XKR9: variants seen among roughly 807,000 people sequenced by gnomAD.
XKR9 encodes XK-related protein 9.
Under a neutral mutation model 32.0 loss-of-function variants are expected in XKR9, and 32 were observed. The ratio of observed to expected loss-of-function variants is 1.00; its 90% CI spans 0.76 to 1.34. XKR9 has a LOEUF of 1.34. Ranked by LOEUF, XKR9 falls within the 40% of genes most tolerant of loss-of-function variation. The pLI, the probability that XKR9 is intolerant of heterozygous loss-of-function variation, is 0.00. For missense variants in XKR9, 546 were observed against 429.7 expected (o/e 1.27, Z -2.39); for synonymous variants, 168 against 143.4 (o/e 1.17, Z -1.22).
chr8:70,891,698 G>A, the XKR9 span, among the ~76,000 whole-genome samples: 2 of 152,076 alleles, frequency 1.3e-5, no homozygotes, highest in Non-Finnish European at 2.9e-5. Flanking sequence ...ACTGGAGAAT[G>A]TTCTATGTGC....
the XKR9 span, among the ~76,000 whole-genome samples, chr8:70,884,557 T>C: frequency 2.6e-5 from 4 of 152,196 alleles, no homozygotes; most frequent in Non-Finnish European, 5.9e-5. Flanking sequence ...TTGTGAAATA[T>C]GTAAAGTCTG....
the XKR9 span, among the ~76,000 whole-genome samples, chr8:70,887,693 A>G: frequency 1.3e-5 from 2 of 152,062 alleles, no homozygotes; most frequent in African/African-American, 4.8e-5. Context: ...GCAGTCATGA[A>G]TAGGAGTTCA....
chr8:70,945,941 C>T, the XKR9 span, among the ~76,000 whole-genome samples: 3 of 152,088 alleles, frequency 2.0e-5, no homozygotes, highest in East Asian at 1.9e-4. Flanking sequence ...TAGAGACCAT[C>T]GTGGCCAACA....
At chr8:70,807,087 G>A in the XKR9 span, among the ~76,000 whole-genome samples, 1 of 151,832 alleles carries the variant, frequency 6.6e-6, no homozygotes, top group Non-Finnish European at 1.5e-5. Context: ...ACCGTACAAG[G>A]CAGAAGAGAT....
the XKR9 span, among the ~76,000 whole-genome samples, chr8:71,037,470 G>A: frequency 6.6e-6 from 1 of 152,108 alleles, no homozygotes; most frequent in African/African-American, 2.4e-5. Flanking sequence ...TAAAGCACAT[G>A]GTCATGATAA....
At chr8:70,985,113 T>C in the XKR9 span, among the ~76,000 whole-genome samples, 3 of 152,170 alleles carry the variant, frequency 2.0e-5, no homozygotes, top group African/African-American at 4.8e-5. Flanking sequence ...CAAAGCAAAA[T>C]GATATTTAAT....
intron 2 of XKR9, among the ~76,000 whole-genome samples, chr8:70,763,001 G>T (rs1563472411): frequency 6.6e-6 from 1 of 152,118 alleles, no homozygotes; most frequent in Non-Finnish European, 1.5e-5. Context: ...TGATCTAATA[G>T]CCTTGTGACC....
intron 2 of XKR9, among the ~76,000 whole-genome samples, chr8:70,761,807 C>G (rs1182193968): frequency 1.3e-5 from 2 of 151,942 alleles, no homozygotes; most frequent in African/African-American, 4.8e-5. Flanking sequence ...AGGTTTTCTT[C>G]TAGAGTTTTT....
chr8:70,783,612 A>G (rs988923320), intron 2 of XKR9, among the ~76,000 whole-genome samples: 1 of 152,120 alleles, frequency 6.6e-6, no homozygotes, highest in Non-Finnish European at 1.5e-5. Flanking sequence ...ATATTAACCA[A>G]TTATTGGATA....
Position 70,703,857 on chromosome 8 carries a change from C to CT in XKR9, c.273-3068dup, listed in dbSNP as rs200814827. Among the ~76,000 whole-genome samples the CT allele has an allele frequency of 2.0e-4, 30 of 151,784 alleles. No homozygotes were observed. The East Asian group carries it at 5.4e-3, about 27-fold the overall frequency. On this transcript the variant is annotated intron_variant, in intron 3 of 4. Coordinates refer to ENST00000408926, the MANE Select transcript of XKR9 (RefSeq NM_001011720.2). ...TGTTAAGAAAGCCCTCTCTGTTTTT[C>CT]TTTTTTTTGGCCTATTCATCATTTG...
chr8:70,984,530 G>C, the XKR9 span, among the ~76,000 whole-genome samples: 2 of 152,200 alleles, frequency 1.3e-5, no homozygotes, highest in African/African-American at 4.8e-5. Context: ...ACTCTAAGCA[G>C]TTTCTGCTAT....
chr8:70,992,613 C>T, the XKR9 span, among the ~76,000 whole-genome samples: 1 of 152,156 alleles, frequency 6.6e-6, no homozygotes, highest in Non-Finnish European at 1.5e-5. Flanking sequence ...CAGATGACTT[C>T]CTGTTTATAG....
the XKR9 span, among the ~76,000 whole-genome samples, chr8:70,887,578 G>T: frequency 1.3e-5 from 2 of 151,984 alleles, no homozygotes; most frequent in African/African-American, 4.8e-5. Context: ...TTTTCTATTT[G>T]TTTGTGTCCT....
chr8:70,791,741 C>A (rs769655531), downstream of XKR9, among the ~76,000 whole-genome samples: 5 of 152,040 alleles, frequency 3.3e-5, no homozygotes, highest in Non-Finnish European at 7.4e-5. Context: ...AAATTTCTGT[C>A]TGAGTTACTC....
chr8:70,840,290 A>G, the XKR9 span, among the ~76,000 whole-genome samples: 1 of 152,256 alleles, frequency 6.6e-6, no homozygotes, highest in African/African-American at 2.4e-5. Flanking sequence ...AACTCAGGTA[A>G]TTTGAGGCCT....
chr8:71,027,455 T>C, the XKR9 span, among the ~76,000 whole-genome samples: 63,732 of 147,478 alleles, frequency 0.43, 14,809 homozygotes, highest in Non-Finnish European at 0.53. Context: ...TTTTATATAA[T>C]TTTATATATA....
chr8:70,744,132 GA>G (rs1433306055), intron 2 of XKR9, among the ~76,000 whole-genome samples: 1 of 151,872 alleles, frequency 6.6e-6, no homozygotes, highest in Non-Finnish European at 1.5e-5. Context: ...TCAACATGAT[GA>G]AACCCCATCT....
At chr8:70,866,514 G>T in the XKR9 span, among the ~76,000 whole-genome samples, 1 of 152,180 alleles carries the variant, frequency 6.6e-6, no homozygotes, top group African/African-American at 2.4e-5. Context: ...AGGCATTTCT[G>T]CTGAGTTTGA....
At chr8:70,727,531 G>T (rs551596356) in intron 4 of XKR9, among the ~76,000 whole-genome samples, 7 of 152,092 alleles carry the variant, frequency 4.6e-5, no homozygotes, top group Admixed American at 3.9e-4. Context: ...CTCCTGAGTG[G>T]CTGGGACTAC....
Sources: allele counts gnomAD v4.1 joint callset (sites outside exome capture counted in the v4.1 genomes callset), GRCh38; gene constraint gnomAD v4.1.1; transcripts MANE v1.5; gene names NCBI Gene and HGNC (gene_info 2026-07-23, HGNC 2026-07-21).